SLC13A5: variants seen among roughly 807,000 people sequenced by gnomAD.
SLC13A5 encodes Na(+)/citrate cotransporter.
SLC13A5 carries 25 observed loss-of-function variants against 56.5 expected under a neutral mutation model. The ratio of observed to expected loss-of-function variants is 0.44; its 90% CI spans 0.32 to 0.62. The LOEUF is 0.62. Among genes scored for constraint, SLC13A5 ranks in the 20% least tolerant of loss-of-function variants. The pLI is 0.04. For missense variants in SLC13A5, 649 were observed against 737.8 expected (o/e 0.88, Z 1.39); for synonymous variants, 307 against 301.5 (o/e 1.02, Z -0.19).
At chr17:6,690,155 G>A (rs898833822) in intron 10 of SLC13A5, 1 of 137,604 alleles carries the variant, frequency 7.3e-6, no homozygotes, top group Non-Finnish European at 1.5e-5. Flanking sequence ...TCAAAAACAT[G>A]CTAGTCCATA....
Position 6,687,642 on chromosome 17 carries a change from G to T in SLC13A5, c.1462C>A (p.Leu488Met), listed in dbSNP as rs754295995. Residue 488 changes from leucine to methionine, a missense_variant, in exon 11 of 12, where the codon CTG becomes ATG. By Grantham distance (15) the Leu-to-Met change is conservative (BLOSUM62 2). Transcript: ENST00000433363. The surrounding 1 kb of genome is among the most constrained non-coding windows in gnomAD (Gnocchi z 5.0). ...SMSRSIGLNPLYIMLPCTLSA... is the reference protein window; with the variant it reads ...SMSRSIGLNPMYIMLPCTLSA... The stretch of plus-strand genomic sequence containing the variant: ...AGGGTACAGGGCAGCATGATGTACA[G>T]CGGATTGAGGCCGATGGAGCGAGAC... 1 of 1,607,460 alleles carries T rather than the reference G, an allele frequency of 6.2e-7. No homozygotes were observed. The highest frequency in any genetic ancestry group is 1.7e-5 in the Admixed American group (1 of 58,498).
chr17:6,702,898 A>G (rs1973751093), intron 5 of SLC13A5, 72 bp downstream of exon 5: 1 of 1,559,144 alleles, frequency 6.4e-7, no homozygotes, highest in Non-Finnish European at 8.7e-7. Context: ...AGAGGAGCAG[A>G]GAGAGGTGGG....
rs557834267 is a variant in SLC13A5, at chr17:6,711,519, T to G, written c.102+1713A>C. Among the ~76,000 whole-genome samples the G allele has an allele frequency of 1.3e-5, 2 of 151,574 alleles. No individual in the cohort carries two copies. The highest frequency in any genetic ancestry group is 4.8e-5 in the African/African-American group (2 of 41,318). ...GTGTGTGTGTGTGTATGTGTATGTG[T>G]GTGTTTGTGTTTTTTGTGTGTTTTG... On this transcript the variant is annotated intron_variant, in intron 1 of 11. Coordinates refer to ENST00000433363, the MANE Select transcript of SLC13A5 (RefSeq NM_177550.5). This position sits in a 1 kb window ranked among gnomAD's most constrained non-coding sequence, Gnocchi z 4.0.
At position 6,690,812 on chromosome 17, in the gene SLC13A5, G is replaced by A; in HGVS notation, c.1404C>T (p.Thr468=). ...VFTECTSNVA[T]TTLFLPIFAS... is the part of the protein sequence containing the mutation. ...CAAAGATGGGCAGGAACAAGGTGGTGGTGGCCACGTTGCTTGTGCACTCAG... is the reference window on the plus strand; with the variant it reads ...CAAAGATGGGCAGGAACAAGGTGGTAGTGGCCACGTTGCTTGTGCACTCAG... Residue 468 remains threonine, a synonymous_variant, in exon 10 of 12, where the codon ACC becomes ACT. Transcript: ENST00000433363. 6.2e-7 allele frequency: 1 copy of A among 1,614,212 alleles called. No individual in the cohort carries two copies. The highest frequency in any genetic ancestry group is 8.5e-7 in the Non-Finnish European group (1 of 1,180,032).
Position 6,686,117 on chromosome 17 carries a change from T to C in SLC13A5, c.*90A>G. 1 of 1,568,506 alleles carries C rather than the reference T, an allele frequency of 6.4e-7. No homozygotes were observed. The highest frequency in any genetic ancestry group is 2.3e-5 in the East Asian group (1 of 44,302). On this transcript the variant is annotated 3_prime_UTR_variant, in exon 12 of 12. Transcript: ENST00000433363. ...TGGACATCGTTGGGTCATTTTGGGG[T>C]GTGAACCCCAAAACTCTGTACAAGG...
chr17:6,712,273 G>A (rs1181857812), intron 1 of SLC13A5, among the ~76,000 whole-genome samples: 1 of 152,182 alleles, frequency 6.6e-6, no homozygotes, highest in African/African-American at 2.4e-5. Flanking sequence ...GGGAGGGGAG[G>A]TGGGGAGCTG....
intron 3 of SLC13A5, 86 bp downstream of exon 3, chr17:6,706,556 A>C: frequency 6.5e-7 from 1 of 1,531,310 alleles, no homozygotes; most frequent in Non-Finnish European, 8.8e-7. Context: ...TCACCAGTGG[A>C]TGGCCTGGTC....
chr17:6,704,008 G>A lies in SLC13A5; in HGVS notation c.417C>T (p.Ile139=), dbSNP rs1973793732. 1 of 1,613,304 alleles carries A rather than the reference G, an allele frequency of 6.2e-7. No homozygotes were observed. Among genetic ancestry groups the A allele is most frequent in the South Asian group, 1.1e-5 (1 of 91,038 alleles). Residue 139 remains isoleucine (I), a synonymous_variant, in exon 4 of 12, where the codon ATC becomes ATT. Transcript: ENST00000433363. ...MGVTALLSMW[I]SNTATTAMMV... is the part of the protein sequence containing the mutation. ...TCATGGCCGTGGTTGCCGTGTTACT[G>A]ATCCACATGGACAGGAGGGCTGTGA...
rs1974049574 is a variant in SLC13A5, at chr17:6,711,885, T to A, written c.102+1347A>T. Among the ~76,000 whole-genome samples, 1 of 152,124 alleles carries A rather than the reference T, an allele frequency of 6.6e-6. No individual in the cohort carries two copies. On this transcript the variant is annotated intron_variant, in intron 1 of 11. Transcript: ENST00000433363. This position sits in a 1 kb window ranked among gnomAD's most constrained non-coding sequence, Gnocchi z 4.0. Reference sequence around the variant, plus strand: ...CAGACTTCTTGCTACAGAGGAAGTGTGGCTGCCCACAGTTGGTGTGGCAAC... The same window carrying A: ...CAGACTTCTTGCTACAGAGGAAGTGAGGCTGCCCACAGTTGGTGTGGCAAC...
Position 6,712,184 on chromosome 17 carries a change from ACCCCAGTGCACT to A in SLC13A5, c.102+1036_102+1047del, listed in dbSNP as rs779624766. ...TTCTCTTGCAGGTTGGCTTCCTGAC[ACCCCAGTGCACT>A]CCCTTCCTCTAGAGCTCCCCCCCAG... is the stretch of plus-strand genomic sequence containing the variant. On this transcript the variant is annotated intron_variant, in intron 1 of 11. Coordinates refer to ENST00000433363, the MANE Select transcript of SLC13A5 (RefSeq NM_177550.5). Among the ~76,000 whole-genome samples, 63 of 151,942 alleles carry A rather than the reference ACCCCAGTGCACT, an allele frequency of 4.1e-4. 2 individuals are homozygous for A. Among genetic ancestry groups the A allele is most frequent in the Non-Finnish European group, 5.7e-4 (39 of 67,976 alleles).
chr17:6,686,181 C>A lies in SLC13A5; in HGVS notation c.*26G>T. 1 of 1,613,852 alleles carries A rather than the reference C, an allele frequency of 6.2e-7. No individual in the cohort carries two copies. Reference sequence around the variant, plus strand: ...TCGGTAGTCCTGAGGAGGGTAAGGGCTGTGTGTGTGGTCTTGTGGCTCTTC... The same window carrying A: ...TCGGTAGTCCTGAGGAGGGTAAGGGATGTGTGTGTGGTCTTGTGGCTCTTC... On this transcript the variant is annotated 3_prime_UTR_variant, in exon 12 of 12. Coordinates refer to ENST00000433363, the MANE Select transcript of SLC13A5 (RefSeq NM_177550.5).
chr17:6,690,097 C>CAAAAAAAAA (rs1659780971), intron 10 of SLC13A5: 7 of 75,772 alleles, frequency 9.2e-5, no homozygotes, highest in African/African-American at 2.8e-4. Flanking sequence ...AAAAAAAAAC[C>CAAAAAAAAA]ATAGCCACTG....
rs7215596 is a variant in SLC13A5 at position 6,702,959 on chromosome 17, C to A, written c.716+11G>T. On this transcript the variant is annotated intron_variant, in intron 5 of 11. Coordinates refer to ENST00000433363, the MANE Select transcript of SLC13A5 (RefSeq NM_177550.5). ...CTTCGTTGTCCCCAGAAGGTGCGAC[C>A]AAGGACTCACTCGTTCATCTGGCCC... The A allele has an allele frequency of 2.5e-6, 4 of 1,606,854 alleles. No individual in the cohort carries two copies. Among genetic ancestry groups the A allele is most frequent in the African/African-American group, 2.7e-5 (2 of 74,976 alleles).
intron 6 of SLC13A5, among the ~76,000 whole-genome samples, chr17:6,698,706 T>G (rs762284878): frequency 2.0e-5 from 3 of 152,156 alleles, no homozygotes; most frequent in Non-Finnish European, 4.4e-5. Context: ...ATAATAATAG[T>G]GCTGACCTCG....
intron 10 of SLC13A5, chr17:6,690,046 T>C (rs1973354650): frequency 1.2e-5 from 1 of 86,286 alleles, no homozygotes; most frequent in African/African-American, 4.4e-5. Context: ...TTGCAATGGA[T>C]GACAGAAGGA....
intron 3 of SLC13A5, among the ~76,000 whole-genome samples, chr17:6,706,434 C>T (rs901704669): frequency 1.3e-5 from 2 of 152,238 alleles, no homozygotes; most frequent in Admixed American, 1.3e-4. Context: ...ATTCGAGGAC[C>T]CTTACTTACT....
chr17:6,690,096 C>CAAAAAAA (rs1567614272), intron 10 of SLC13A5: 5 of 72,160 alleles, frequency 6.9e-5, no homozygotes, highest in South Asian at 4.9e-4. Context: ...AAAAAAAAAA[C>CAAAAAAA]CATAGCCACT....
chr17:6,706,627 A>G lies in SLC13A5; in HGVS notation c.368+15T>C, dbSNP rs368170908. Reference sequence around the variant, plus strand: ...CATGCAGAGCCACGTGGCAAGAGAGAGAAGGCGTAATTACCGTGCAGGCTT... The same window carrying G: ...CATGCAGAGCCACGTGGCAAGAGAGGGAAGGCGTAATTACCGTGCAGGCTT... On this transcript the variant is annotated intron_variant, in intron 3 of 11. Transcript: ENST00000433363. 41 of 1,611,868 alleles carry G rather than the reference A, an allele frequency of 2.5e-5. No homozygotes were observed. The highest frequency in any genetic ancestry group is 6.8e-6 in the Non-Finnish European group (8 of 1,179,114).
intron 1 of SLC13A5, among the ~76,000 whole-genome samples, chr17:6,709,025 C>G (rs1320159354): frequency 1.5e-5 from 2 of 137,182 alleles, no homozygotes; most frequent in Non-Finnish European, 3.1e-5. Flanking sequence ...GGGTCTGGCT[C>G]TGTTGCCCAG....
Sources: gnomAD v4.1 joint callset for allele counts (sites outside exome capture counted in the v4.1 genomes callset) on GRCh38, gnomAD v4.1.1 for gene constraint, Gnocchi (gnomAD v3.1) non-coding constraint, MANE v1.5 for transcripts, NCBI Gene and HGNC (gene_info 2026-07-23, HGNC 2026-07-21) for gene names.